Variants in NCAM2 observed in about 807,000 individuals in gnomAD.
The protein encoded by NCAM2 is neural cell adhesion molecule 2.
Under a neutral mutation model 98.1 loss-of-function variants are expected in NCAM2, and 30 were observed. The observed-to-expected ratio is 0.31, with a 90% CI of 0.23 to 0.41. NCAM2 has a LOEUF of 0.41. Among genes scored for constraint, NCAM2 ranks in the 10% least tolerant of loss-of-function variants. The pLI is 1.00. For missense variants in NCAM2, 867 were observed against 1,005.8 expected, an observed-to-expected ratio of 0.86 and a Z score of 1.87; for synonymous variants, 368 against 342.4, an observed-to-expected ratio of 1.07 and a Z score of -0.83.
chr21:21,469,051 T>G (rs1186607608), intron 14 of NCAM2, among the ~76,000 whole-genome samples: 6 of 152,034 alleles, frequency 3.9e-5, no homozygotes, highest in Non-Finnish European at 8.8e-5. Context: ...AGAAATGAGA[T>G]ATTATTTCCC....
intron 9 of NCAM2, among the ~76,000 whole-genome samples, chr21:21,401,864 G>C (rs1223559515): frequency 6.6e-6 from 1 of 152,178 alleles, no homozygotes; most frequent in African/African-American, 2.4e-5. Flanking sequence ...CAGGGACCCT[G>C]AACAGAGGGA....
intron 9 of NCAM2, among the ~76,000 whole-genome samples, chr21:21,409,960 C>T (rs1010117412): frequency 2.0e-5 from 3 of 151,852 alleles, no homozygotes; most frequent in Non-Finnish European, 4.4e-5. Context: ...AGTGAAACCC[C>T]GTCTCTACTA....
intron 1 of NCAM2, among the ~76,000 whole-genome samples, chr21:21,257,462 A>G (rs1400878911): frequency 6.6e-6 from 1 of 152,200 alleles, no homozygotes; most frequent in African/African-American, 2.4e-5. Context: ...ATCATCTGAG[A>G]CAGTAAGAAC....
chr21:21,522,632 C>CTTT lies in NCAM2; in HGVS notation c.2283-11891_2283-11889dup, dbSNP rs61635255. ...AAGTTCTTTTTTTCTTTTTCTTTTT[C>CTTT]TTTTTTTTTTTTTTTTGAGACAGAG... On this transcript the variant is annotated intron_variant, in intron 16 of 17. Coordinates refer to ENST00000400546, the MANE Select transcript of NCAM2 (RefSeq NM_004540.5). Among the ~76,000 whole-genome samples the CTTT allele has an allele frequency of 7.4e-3, 921 of 124,730 alleles. 19 individuals are homozygous for CTTT. Among genetic ancestry groups the CTTT allele is most frequent in the African/African-American group, 0.021 (693 of 33,660 alleles). 81.8% of individuals were successfully genotyped at this position (124,730 alleles called of 152,430 possible).
intron 16 of NCAM2, among the ~76,000 whole-genome samples, chr21:21,522,572 T>G (rs1163670173): frequency 2.0e-5 from 3 of 151,238 alleles, no homozygotes. Context: ...GGGTATTTTT[T>G]GCCAATAGAT....
At chr21:21,213,996 G>T (rs1445426643) in intron 1 of NCAM2, among the ~76,000 whole-genome samples, 3 of 152,050 alleles carry the variant, frequency 2.0e-5, no homozygotes, top group African/African-American at 7.2e-5. Flanking sequence ...AAACCTTTGT[G>T]ATTCATTTTG....
At chr21:21,485,263 T>A (rs1384134394) in intron 15 of NCAM2, among the ~76,000 whole-genome samples, 1 of 152,160 alleles carries the variant, frequency 6.6e-6, no homozygotes, top group Non-Finnish European at 1.5e-5. Flanking sequence ...CCAGAATGAA[T>A]GTTAAATTAA....
intron 5 of NCAM2, among the ~76,000 whole-genome samples, chr21:21,296,465 G>GT (rs1265625388): frequency 6.6e-6 from 1 of 151,746 alleles, no homozygotes; most frequent in African/African-American, 2.4e-5. Context: ...GAAATATACT[G>GT]TTTTTTGACA....
intron 1 of NCAM2, among the ~76,000 whole-genome samples, chr21:21,195,088 G>A (rs1324565295): frequency 2.0e-5 from 3 of 152,134 alleles, no homozygotes; most frequent in African/African-American, 4.8e-5. Context: ...TTTAAGATTA[G>A]GGAATGAGTG....
chr21:21,058,210 G>GA (rs58161536), intron 1 of NCAM2, among the ~76,000 whole-genome samples: 4 of 148,400 alleles, frequency 2.7e-5, no homozygotes, highest in African/African-American at 7.5e-5. Context: ...AAAGGGCAAA[G>GA]AAAAAAAACA....
intron 12 of NCAM2, among the ~76,000 whole-genome samples, chr21:21,445,600 G>T (rs535852286): frequency 2.0e-4 from 31 of 151,848 alleles, no homozygotes; most frequent in African/African-American, 6.8e-4. Flanking sequence ...CCCTTCTTTT[G>T]TATTTTTTGA....
intron 9 of NCAM2, among the ~76,000 whole-genome samples, chr21:21,403,637 A>G (rs1197189176): frequency 6.6e-6 from 1 of 152,226 alleles, no homozygotes; most frequent in Non-Finnish European, 1.5e-5. Context: ...AATCAAATAT[A>G]TCATTCTGAT....
intron 1 of NCAM2, among the ~76,000 whole-genome samples, chr21:21,148,004 A>G (rs1221284464): frequency 6.6e-6 from 1 of 152,010 alleles, no homozygotes; most frequent in Admixed American, 6.6e-5. Flanking sequence ...GGGCAGGATA[A>G]GATGGATGTT....
At chr21:21,415,364 G>C in intron 10 of NCAM2, among the ~76,000 whole-genome samples, 1 of 129,178 alleles carries the variant, frequency 7.7e-6, no homozygotes, top group African/African-American at 3.0e-5. Context: ...TTTGAGACAG[G>C]GTCTTGCTCT....
At position 21,313,565 on chromosome 21, in the gene NCAM2, T is replaced by C. The variant is rs542204313; in HGVS notation, c.620-10818T>C. Among the ~76,000 whole-genome samples, 9 of 152,126 alleles carry C rather than the reference T, an allele frequency of 5.9e-5. No homozygotes were observed. In the East Asian group the frequency reaches 7.7e-4, roughly 13 times the overall value. ...AATGGCATATTTTTTCTATTGTTTT[T>C]ATTTTATTCTAGTTTTATCATTACA... On this transcript the variant is annotated intron_variant, in intron 5 of 17. Coordinates refer to ENST00000400546, the MANE Select transcript of NCAM2 (RefSeq NM_004540.5).
intron 15 of NCAM2, among the ~76,000 whole-genome samples, chr21:21,502,710 A>G (rs1987716602): frequency 1.3e-5 from 2 of 152,044 alleles, no homozygotes; most frequent in Admixed American, 6.6e-5. Context: ...ATCAACACCA[A>G]TCAGAGTTAT....
chr21:21,271,577 T>G (rs1322526110), intron 1 of NCAM2, among the ~76,000 whole-genome samples: 1 of 152,176 alleles, frequency 6.6e-6, no homozygotes, highest in Non-Finnish European at 1.5e-5. Flanking sequence ...TGTTATATGC[T>G]CTAAGAAAAA....
chr21:21,516,989 C>G (rs1041881433), intron 16 of NCAM2, among the ~76,000 whole-genome samples: 1 of 152,184 alleles, frequency 6.6e-6, no homozygotes, highest in Admixed American at 6.6e-5. Context: ...ATGTCTGCGT[C>G]TGGTCCTTAT....
At chr21:21,269,743 T>C (rs931861813) in intron 1 of NCAM2, among the ~76,000 whole-genome samples, 2 of 152,162 alleles carry the variant, frequency 1.3e-5, no homozygotes, top group Admixed American at 6.5e-5. Flanking sequence ...TTTTCTAATG[T>C]GGAAGAGGGT....
Sources: gnomAD v4.1 joint callset for allele counts (sites outside exome capture counted in the v4.1 genomes callset) on GRCh38, gnomAD v4.1.1 for gene constraint, MANE v1.5 for transcripts, NCBI Gene and HGNC (gene_info 2026-07-23, HGNC 2026-07-21) for gene names.